The following FER variants were observed in gnomAD, a reference collection of about 807,000 sequenced individuals.
FER encodes the protein tyrosine-protein kinase Fer.
In FER, 63 loss-of-function variants were observed where a neutral mutation model predicts 111.0. The ratio of observed to expected loss-of-function variants is 0.57; its 90% CI spans 0.46 to 0.70. The LOEUF (loss-of-function observed/expected upper bound fraction) is 0.70, where lower values mean the gene tolerates loss of function less well. FER is among the 30% of genes least tolerant of loss of function. The pLI, the probability that FER is intolerant of heterozygous loss-of-function variation, is 0.00. For missense variants in FER, 914 were observed against 954.0 expected (o/e 0.96, Z 0.55); for synonymous variants, 327 against 313.9 (o/e 1.04, Z -0.44).
At chr5:108,993,412 G>A (rs570905657) in intron 13 of FER, among the ~76,000 whole-genome samples, 16 of 152,242 alleles carry the variant, frequency 1.1e-4, no homozygotes, top group African/African-American at 2.9e-4. Flanking sequence ...GGCCGCGCGC[G>A]CCTGCAATCG....
At chr5:108,926,863 T>G (rs1372437828) in intron 10 of FER, among the ~76,000 whole-genome samples, 1 of 152,208 alleles carries the variant, frequency 6.6e-6, no homozygotes, top group Non-Finnish European at 1.5e-5. Context: ...TTTATGATTT[T>G]TTTTTCAGTG....
At chr5:108,822,709 A>ATTTATTTTAT (rs570033160) in intron 3 of FER, among the ~76,000 whole-genome samples, 4,479 of 121,154 alleles carry the variant, frequency 0.037, 140 homozygotes, top group Non-Finnish European at 0.051. Flanking sequence ...ATTTTATTTT[A>ATTTATTTTAT]TTTATTTTAT....
At chr5:109,144,713 A>G (rs1753887952) in intron 17 of FER, among the ~76,000 whole-genome samples, 1 of 152,110 alleles carries the variant, frequency 6.6e-6, no homozygotes, top group Admixed American at 6.6e-5. Flanking sequence ...GCTAAGGGCC[A>G]GAGAGATGTT....
intron 13 of FER, among the ~76,000 whole-genome samples, chr5:108,977,246 T>C (rs934476063): frequency 6.6e-5 from 10 of 152,226 alleles, no homozygotes; most frequent in Non-Finnish European, 1.2e-4. Flanking sequence ...AATGGCACCA[T>C]GTATGGTCTG....
At chr5:109,180,362 A>G (rs1226043721) in intron 17 of FER, among the ~76,000 whole-genome samples, 2 of 152,212 alleles carry the variant, frequency 1.3e-5, no homozygotes, top group Non-Finnish European at 2.9e-5. Flanking sequence ...CACTAGCCAC[A>G]TTGCAGGTGT....
intron 13 of FER, among the ~76,000 whole-genome samples, chr5:108,985,590 C>T (rs886546332): frequency 1.3e-5 from 2 of 152,090 alleles, no homozygotes; most frequent in African/African-American, 2.4e-5. Context: ...CTGATTCCCT[C>T]CCACCATTTC....
chr5:108,798,338 A>T lies in FER; in HGVS notation c.156A>T (p.Gln52His). Reference sequence around the variant, plus strand: ...CTACTTTACAGAACCTTTGTAATCAAGTTGATAAGGAAAGTACTGTCCAAA... The same window carrying T: ...CTACTTTACAGAACCTTTGTAATCATGTTGATAAGGAAAGTACTGTCCAAA... Reference protein sequence around the residue: ...YASTLQNLCNQVDKESTVQMN... With the variant: ...YASTLQNLCNHVDKESTVQMN... The change falls in exon 3 of 20, where the codon CAA becomes CAT. Residue 52 changes from glutamine to histidine, a missense_variant. By Grantham distance (24) the Gln-to-His change is conservative. This residue lies in a region of FER where 774 missense variants were observed against 782.6 expected (regional missense o/e 0.99). Transcript: ENST00000281092. 1.9e-6 allele frequency: 3 copies of T among 1,614,028 alleles called. No homozygotes were observed. The highest frequency in any genetic ancestry group is 2.5e-6 in the Non-Finnish European group (3 of 1,179,936).
At chr5:109,105,683 C>G (rs1748830346) in intron 17 of FER, among the ~76,000 whole-genome samples, 1 of 152,096 alleles carries the variant, frequency 6.6e-6, no homozygotes, top group Non-Finnish European at 1.5e-5. Context: ...GTGCTGACTC[C>G]ATTCTGACAC....
In FER at chr5:109,081,242, C is replaced by T. The variant is rs545905735; in HGVS notation, c.1925-19154C>T. ...AAAACTCAACAAAGTTAATCTTAAACGAATATAGAATGGGTCCTTTTCTTT... is the reference window on the plus strand; with the variant it reads ...AAAACTCAACAAAGTTAATCTTAAATGAATATAGAATGGGTCCTTTTCTTT... On this transcript the variant is annotated intron_variant, in intron 16 of 19. Coordinates refer to ENST00000281092, the MANE Select transcript of FER (RefSeq NM_005246.4). Among the ~76,000 whole-genome samples the T allele has an allele frequency of 4.6e-5, 7 of 152,154 alleles. No individual in the cohort carries two copies. The South Asian group carries it at 6.2e-4, about 14-fold the overall frequency.
chr5:109,058,485 G>A (rs1464961592), intron 16 of FER, among the ~76,000 whole-genome samples: 1 of 151,676 alleles, frequency 6.6e-6, no homozygotes, highest in Admixed American at 6.6e-5. Context: ...AGATTATGTG[G>A]TATTAATTCT....
intron 9 of FER, among the ~76,000 whole-genome samples, chr5:108,884,512 G>GTTTTTTTTT (rs776345488): frequency 4.2e-5 from 6 of 144,528 alleles, no homozygotes; most frequent in African/African-American, 5.1e-5. Flanking sequence ...CTTATGCCTG[G>GTTTTTTTTT]TTTTTTTTTT....
chr5:108,811,088 A>G (rs967075654), intron 3 of FER, among the ~76,000 whole-genome samples: 1 of 151,956 alleles, frequency 6.6e-6, no homozygotes, highest in Non-Finnish European at 1.5e-5. Flanking sequence ...CTGCCCCACA[A>G]TCTATGTCCA....
chr5:108,837,294 C>T (rs75738236), intron 5 of FER, among the ~76,000 whole-genome samples: 5,251 of 152,254 alleles, frequency 0.034, 160 homozygotes, highest in South Asian at 0.1. Flanking sequence ...ATTTGCCAGG[C>T]ATTCAAGGAG....
chr5:108,958,494 C>T (rs1010048776), intron 12 of FER, among the ~76,000 whole-genome samples: 4 of 151,716 alleles, frequency 2.6e-5, no homozygotes, highest in Non-Finnish European at 4.4e-5. Context: ...ACAACCTACT[C>T]ATAGGCCAAT....
chr5:109,191,438 A>G lies in FER; in HGVS notation c.*3863A>G, dbSNP rs1420683518. 1 of 152,158 alleles carries G rather than the reference A, an allele frequency of 6.6e-6. No individual in the cohort carries two copies. The highest frequency in any genetic ancestry group is 1.5e-5 in the Non-Finnish European group (1 of 68,022). The allele number at this position is 152,158 out of a possible 1,614,324, so 9.4% of individuals were successfully genotyped here. A position where few individuals can be genotyped will look rare whatever the true frequency, so the allele number is the denominator to read the frequency against. On this transcript the variant is annotated 3_prime_UTR_variant, in exon 20 of 20. Coordinates refer to ENST00000281092, the MANE Select transcript of FER (RefSeq NM_005246.4). Reference sequence around the variant, plus strand: ...ATTGATATTTTAGATGTTTCTTATCAACAAAATTGGCTGCCCTGGTTAGTG... The same window carrying G: ...ATTGATATTTTAGATGTTTCTTATCGACAAAATTGGCTGCCCTGGTTAGTG...
In FER at chr5:108,899,818, A is replaced by T. The variant is rs1463862149; in HGVS notation, c.1236+1970A>T. On this transcript the variant is annotated intron_variant, in intron 10 of 19. Coordinates refer to ENST00000281092, the MANE Select transcript of FER (RefSeq NM_005246.4). ...ACTCCATCTCAAAAAAAAAAAAAAAAATTCTGATCATCTGGAGTTTAATAT... is the reference window on the plus strand; with the variant it reads ...ACTCCATCTCAAAAAAAAAAAAAAATATTCTGATCATCTGGAGTTTAATAT... 2.0e-5 allele frequency among the ~76,000 whole-genome samples: 3 copies of T among 152,072 alleles called. No homozygotes were observed. In the East Asian group the frequency reaches 5.8e-4, roughly 29 times the overall value.
At chr5:108,791,445 C>T (rs1755360703) in intron 2 of FER, among the ~76,000 whole-genome samples, 1 of 151,792 alleles carries the variant, frequency 6.6e-6, no homozygotes, top group Non-Finnish European at 1.5e-5. Context: ...GAGAACTGTC[C>T]ATTCAAATCC....
chr5:109,168,796 C>T (rs1400651160), intron 17 of FER, among the ~76,000 whole-genome samples: 1 of 152,226 alleles, frequency 6.6e-6, no homozygotes, highest in Non-Finnish European at 1.5e-5. Flanking sequence ...ATGATACCCA[C>T]TTGCCTACAT....
In FER at chr5:108,954,957, G is replaced by T. The variant is rs201736987; in HGVS notation, c.1533+25G>T. On this transcript the variant is annotated intron_variant, in intron 12 of 19. Coordinates refer to ENST00000281092, the MANE Select transcript of FER (RefSeq NM_005246.4). ...TGTACGTTTCCAGTTTAGTTCATAT[G>T]TATATTTTGATGTAGTTCATTGCGG... 3.2e-6 allele frequency: 5 copies of T among 1,576,204 alleles called. No individual in the cohort carries two copies. The East Asian group carries it at 1.1e-4, about 36-fold the overall frequency.
Sources: gnomAD v4.1 joint callset for allele counts (sites outside exome capture counted in the v4.1 genomes callset) on GRCh38, gnomAD v4.1.1 for gene constraint, gnomAD v4.1.1 regional missense constraint, MANE v1.5 for transcripts, NCBI Gene and HGNC (gene_info 2026-07-23, HGNC 2026-07-21) for gene names.